HGF: variants seen among roughly 807,000 people sequenced by gnomAD.
HGF encodes the protein hepatocyte growth factor.
Under a neutral mutation model 111.6 loss-of-function variants are expected in HGF, and 39 were observed. The ratio of observed to expected loss-of-function variants is 0.35; its 90% CI spans 0.27 to 0.46. The LOEUF (loss-of-function observed/expected upper bound fraction) is 0.46. HGF is among the 20% of genes least tolerant of loss of function. The pLI, the probability that HGF is intolerant of heterozygous loss-of-function variation, is 1.00. For missense variants in HGF, 735 were observed against 910.5 expected (o/e 0.81, Z 2.48); for synonymous variants, 285 against 294.8 (o/e 0.97, Z 0.34).
intron 7 of HGF, among the ~76,000 whole-genome samples, chr7:81,736,252 G>A (rs1490473766): frequency 6.6e-6 from 1 of 152,004 alleles, no homozygotes; most frequent in African/African-American, 2.4e-5. Flanking sequence ...CAATTCATAC[G>A]TTTCAAACGT....
intron 7 of HGF, chr7:81,736,809 G>C (rs1787841276): frequency 2.2e-6 from 1 of 451,694 alleles, no homozygotes; most frequent in Non-Finnish European, 4.4e-6. Context: ...TAGAAATATA[G>C]ATAGGCGGTA....
intron 5 of HGF, among the ~76,000 whole-genome samples, chr7:81,746,237 C>G (rs966777591): frequency 6.6e-6 from 1 of 152,192 alleles, no homozygotes; most frequent in Non-Finnish European, 1.5e-5. Flanking sequence ...CTTGATCCAT[C>G]TGCTTTCCTT....
intron 6 of HGF, among the ~76,000 whole-genome samples, chr7:81,744,350 A>G (rs1485880097): frequency 6.6e-6 from 1 of 150,716 alleles, no homozygotes; most frequent in African/African-American, 2.4e-5. Context: ...TAAGCTCAAA[A>G]CCTATTCCTG....
intron 2 of HGF, among the ~76,000 whole-genome samples, chr7:81,761,391 T>C (rs1789069819): frequency 6.6e-6 from 1 of 152,124 alleles, no homozygotes. Flanking sequence ...TTTCTGACCA[T>C]GCTCTTCCTC....
rs1192583398 is a variant in HGF, at chr7:81,710,219, G to A, written c.1469C>T (p.Thr490Met). 3.7e-6 allele frequency: 6 copies of A among 1,612,852 alleles called. No individual in the cohort carries two copies. Among genetic ancestry groups the A allele is most frequent in the East Asian group, 2.2e-5 (1 of 44,878 alleles). ...CCCATTTACAACTCGCAATTGTTTC[G>A]TTTTGGCACAAGATATTACGGGATC... ...LDHPVISCAK[T>M]KQLRVVNGIP... The change falls in exon 13 of 18, where the codon ACG becomes ATG. Residue 490 changes from threonine to methionine, a missense_variant. Coordinates refer to ENST00000222390, the MANE Select transcript of HGF (RefSeq NM_000601.6).
At chr7:81,737,774 T>C (rs961548627) in intron 7 of HGF, among the ~76,000 whole-genome samples, 5 of 152,148 alleles carry the variant, frequency 3.3e-5, no homozygotes, top group African/African-American at 1.2e-4. Context: ...TGTTTTGAAT[T>C]TTCTGTTTTA....
chr7:81,762,518 G>A (rs528585531), intron 2 of HGF, among the ~76,000 whole-genome samples, 189 bp downstream of exon 2: 5 of 152,226 alleles, frequency 3.3e-5, no homozygotes, highest in South Asian at 2.1e-4. Context: ...CAGTTTTTGC[G>A]CTCTCCCTTA....
chr7:81,745,265 T>G, intron 5 of HGF, 145 bp from the exon 6 acceptor site: 1 of 779,366 alleles, frequency 1.3e-6, no homozygotes, highest in Non-Finnish European at 2.2e-6. Context: ...TAGGGCCTAA[T>G]GTCTATAAAT....
At chr7:81,738,289 C>T (rs1787899019) in intron 7 of HGF, among the ~76,000 whole-genome samples, 1 of 151,946 alleles carries the variant, frequency 6.6e-6, no homozygotes, top group Non-Finnish European at 1.5e-5. Context: ...AAGCAGGAAA[C>T]TAATATATAG....
chr7:81,750,135 G>A (rs1350943583), intron 5 of HGF, among the ~76,000 whole-genome samples: 1 of 151,846 alleles, frequency 6.6e-6, no homozygotes, highest in African/African-American at 2.4e-5. Context: ...ACATTATTTT[G>A]TATATTTTAT....
chr7:81,768,625 C>T (rs574662514), intron 1 of HGF, among the ~76,000 whole-genome samples: 9 of 152,228 alleles, frequency 5.9e-5, no homozygotes, highest in East Asian at 3.9e-4. Context: ...GTGATCTGCC[C>T]GCCTCGGCCT....
chr7:81,737,978 A>C (rs1787888280), intron 7 of HGF, among the ~76,000 whole-genome samples: 3 of 152,136 alleles, frequency 2.0e-5, no homozygotes, highest in Admixed American at 2.0e-4. Flanking sequence ...AGTTTACTTC[A>C]TAAAAATACT....
chr7:81,758,850 C>T lies in HGF; in HGVS notation c.255-46G>A, dbSNP rs200938483. 4 of 1,245,128 alleles carry T rather than the reference C, an allele frequency of 3.2e-6. No homozygotes were observed. In the East Asian group the frequency reaches 9.3e-5, roughly 29 times the overall value. The allele number at this position is 1,245,128 out of a possible 1,614,324, so 77.1% of individuals were successfully genotyped here. A position where few individuals can be genotyped will look rare whatever the true frequency, so the allele number is the denominator to read the frequency against. ...AAAAGAAGAAATACTACTATTTATA[C>T]AGTATTTAAAGAATGGGCATATGGT... is the stretch of plus-strand genomic sequence containing the variant. On this transcript the variant is annotated intron_variant, in intron 2 of 17. Coordinates refer to ENST00000222390, the MANE Select transcript of HGF (RefSeq NM_000601.6).
intron 5 of HGF, among the ~76,000 whole-genome samples, chr7:81,746,630 G>C (rs6467871): frequency 0.76 from 115,720 of 151,646 alleles, 44,321 homozygotes; most frequent in Middle Eastern, 0.88. Flanking sequence ...TTCTACTCTT[G>C]TATAGTACTC....
At chr7:81,709,931 T>G (rs1182456025) in intron 13 of HGF, among the ~76,000 whole-genome samples, 1 of 152,142 alleles carries the variant, frequency 6.6e-6, no homozygotes, top group Non-Finnish European at 1.5e-5. Flanking sequence ...ATGGGACCTT[T>G]GTGAAGATTT....
chr7:81,705,194 G>A (rs893529236), intron 17 of HGF, among the ~76,000 whole-genome samples, 196 bp downstream of exon 17: 2 of 151,810 alleles, frequency 1.3e-5, no homozygotes, highest in African/African-American at 4.8e-5. Flanking sequence ...ATAGTTTGCT[G>A]CTAATAAAAC....
In HGF at chr7:81,734,187, C is replaced by G. The variant is rs78307852; in HGVS notation, c.866-4408G>C. 5.8e-3 allele frequency among the ~76,000 whole-genome samples: 883 copies of G among 152,188 alleles called. 10 individuals are homozygous for G. Among genetic ancestry groups the G allele is most frequent in the African/African-American group, 0.02 (845 of 41,526 alleles). ...ACAAATATTTTTGCAATCATGTCTA[C>G]CCAGTTAACATTGAAAATATCTGGA... On this transcript the variant is annotated intron_variant, in intron 7 of 17. Coordinates refer to ENST00000222390, the MANE Select transcript of HGF (RefSeq NM_000601.6).
rs1331795514 is a variant in HGF at position 81,720,983 on chromosome 7, C to T, written c.1169-136G>A. On this transcript the variant is annotated intron_variant, in intron 9 of 17. Coordinates refer to ENST00000222390, the MANE Select transcript of HGF (RefSeq NM_000601.6). ...TGAAAGGGCTGGGTGCGGTGGCTCA[C>T]GCCTGTAATCCCAGCACTTTGGGAG... The T allele has an allele frequency of 3.5e-5, 22 of 634,360 alleles. 1 individual carries two copies. Among genetic ancestry groups the T allele is most frequent in the Middle Eastern group, 4.4e-4 (1 of 2,296 alleles). The allele number at this position is 634,360 out of a possible 1,614,324, so 39.3% of individuals were successfully genotyped here.
chr7:81,733,991 C>T (rs1787747738), intron 7 of HGF, among the ~76,000 whole-genome samples: 1 of 152,102 alleles, frequency 6.6e-6, no homozygotes, highest in South Asian at 2.1e-4. Flanking sequence ...TTGGGAAAGG[C>T]ATTCCTTTGT....
Sources: allele counts gnomAD v4.1 joint callset (sites outside exome capture counted in the v4.1 genomes callset), GRCh38; gene constraint gnomAD v4.1.1; transcripts MANE v1.5; gene names NCBI Gene and HGNC (gene_info 2026-07-23, HGNC 2026-07-21).